The following PITPNC1 variants were observed in gnomAD, a reference collection of about 807,000 sequenced individuals.
The protein encoded by PITPNC1 is phosphatidylinositol transfer protein cytoplasmic 1, also known as cytoplasmic phosphatidylinositol transfer protein 1.
A neutral mutation model predicts 44.7 loss-of-function variants in PITPNC1; 18 were observed. The ratio of observed to expected loss-of-function variants is 0.40; its 90% confidence interval spans 0.28 to 0.60. The LOEUF is 0.60. Among genes scored for constraint, PITPNC1 ranks in the 20% least tolerant of loss-of-function variants. The pLI is 0.39. For missense variants in PITPNC1, 290 were observed against 418.4 expected (o/e 0.69, Z 2.68); for synonymous variants, 141 against 149.6 (o/e 0.94, Z 0.42).
intron 1 of PITPNC1, among the ~76,000 whole-genome samples, chr17:67,531,194 G>A (rs528861962): frequency 6.6e-6 from 1 of 152,298 alleles, no homozygotes; most frequent in East Asian, 1.9e-4. Flanking sequence ...AATGATCTGA[G>A]ATCACACCAC....
At chr17:67,395,176 T>C (rs1044830953) in intron 1 of PITPNC1, among the ~76,000 whole-genome samples, 18 of 152,104 alleles carry the variant, frequency 1.2e-4, no homozygotes, top group Admixed American at 5.9e-4. Context: ...TTTTCTTTTT[T>C]TTTTTTTTAG....
chr17:67,677,723 C>T (rs1458479244), intron 8 of PITPNC1, among the ~76,000 whole-genome samples: 6 of 152,072 alleles, frequency 3.9e-5, no homozygotes, highest in Non-Finnish European at 8.8e-5. Context: ...CTCCCACCAC[C>T]ACGCCCTGCT....
At chr17:67,629,374 G>A (rs376001522) in intron 5 of PITPNC1, among the ~76,000 whole-genome samples, 3 of 152,160 alleles carry the variant, frequency 2.0e-5, no homozygotes, top group Non-Finnish European at 2.9e-5. Flanking sequence ...CCAGGTTCAA[G>A]TGATTCTCCT....
chr17:67,609,827 T>G (rs751327451), intron 5 of PITPNC1, among the ~76,000 whole-genome samples: 3 of 152,016 alleles, frequency 2.0e-5, no homozygotes, highest in Non-Finnish European at 2.9e-5. Flanking sequence ...CAGGTTTGCT[T>G]TTTGTACCCA....
intron 1 of PITPNC1, among the ~76,000 whole-genome samples, chr17:67,398,508 G>GAGT (rs556195775): frequency 0.012 from 1,402 of 120,790 alleles, 21 homozygotes; most frequent in African/African-American, 0.056. Context: ...ACGTGCAGTT[G>GAGT]GGTGTTGTGG....
Position 67,676,208 on chromosome 17 carries a change from GA to G in PITPNC1, c.682+680del, listed in dbSNP as rs74446011. On this transcript the variant is annotated intron_variant, in intron 8 of 8. Transcript: ENST00000581322. The surrounding 1 kb of genome is among the most constrained non-coding windows in gnomAD (Gnocchi z 4.0). ...GGGGACAGAGCGAGACTCCGTCTCG[GA>G]AAAAAAAAAAAAAGAAAGAAAGAAA... Among the ~76,000 whole-genome samples, 4,912 of 126,710 alleles carry G rather than the reference GA, an allele frequency of 0.039. 240 individuals carry two copies. Among genetic ancestry groups the G allele is most frequent in the African/African-American group, 0.13 (4,456 of 34,966 alleles). The allele number at this position is 126,710 out of a possible 152,430, so 83.1% of individuals were successfully genotyped here. A position where few individuals can be genotyped will look rare whatever the true frequency, so the allele number is the denominator to read the frequency against.
In PITPNC1 at chr17:67,599,034, ATTTTTTT is replaced by A. The variant is rs1160152426; in HGVS notation, c.366+20791_366+20797del. Among the ~76,000 whole-genome samples the A allele has an allele frequency of 9.7e-3, 346 of 35,544 alleles. 5 individuals carry two copies. Among genetic ancestry groups the A allele is most frequent in the African/African-American group, 0.028 (245 of 8,674 alleles). 23.3% of individuals were successfully genotyped at this position (35,544 alleles called of 152,430 possible). ...TATATATATATATATATATATATATATTTTTTTTTTTTTTTTTTTTACCATGTTGGCC... is the reference window on the plus strand; with the variant it reads ...TATATATATATATATATATATATATATTTTTTTTTTTTTACCATGTTGGCC... On this transcript the variant is annotated intron_variant, in intron 5 of 8. Coordinates refer to ENST00000581322, the MANE Select transcript of PITPNC1 (RefSeq NM_012417.4).
rs929792102 is a variant in PITPNC1, at chr17:67,641,438, C to G, written c.462+9200C>G. Among the ~76,000 whole-genome samples, 15 of 152,090 alleles carry G rather than the reference C, an allele frequency of 9.9e-5. No individual in the cohort carries two copies. The East Asian group carries it at 2.9e-3, about 29-fold the overall frequency. The stretch of plus-strand genomic sequence containing the variant: ...TCGCAACATGCATTATTTCACTAAC[C>G]ACATAAGCTTGCCATTTTTCTGTGC... On this transcript the variant is annotated intron_variant, in intron 6 of 8. Transcript: ENST00000581322.
chr17:67,546,310 T>C, intron 2 of PITPNC1, among the ~76,000 whole-genome samples: 1 of 151,516 alleles, frequency 6.6e-6, no homozygotes, highest in East Asian at 1.9e-4. Context: ...TATATATATA[T>C]ATATATTTAG....
intron 1 of PITPNC1, among the ~76,000 whole-genome samples, chr17:67,427,025 G>A (rs2038776768): frequency 6.6e-6 from 1 of 152,100 alleles, no homozygotes; most frequent in Non-Finnish European, 1.5e-5. Context: ...AGGTCCCTGT[G>A]AGTCCTAATG....
chr17:67,500,102 G>T (rs911331030), intron 1 of PITPNC1, among the ~76,000 whole-genome samples: 2 of 152,116 alleles, frequency 1.3e-5, no homozygotes, highest in African/African-American at 4.8e-5. Flanking sequence ...TCTTCTGATG[G>T]TTAATCATTT....
At chr17:67,533,902 TG>T (rs1210399107) in intron 2 of PITPNC1, among the ~76,000 whole-genome samples, 1 of 152,182 alleles carries the variant, frequency 6.6e-6, no homozygotes, top group Non-Finnish European at 1.5e-5. Flanking sequence ...TTTCTTTTTT[TG>T]TTTTTTTTAA....
In PITPNC1 at chr17:67,538,558, C is replaced by T. The variant is rs2040561662; in HGVS notation, c.197+5608C>T. 2.0e-5 allele frequency among the ~76,000 whole-genome samples: 3 copies of T among 152,258 alleles called. No homozygotes were observed. The South Asian group carries it at 6.2e-4, about 32-fold the overall frequency. On this transcript the variant is annotated intron_variant, in intron 2 of 8. Transcript: ENST00000581322. ...GAGGTTGCAATGAGCCAAGATCGTG[C>T]CACTGCACTCCAGCCTGGGCAACAG...
Position 67,535,878 on chromosome 17 carries a change from C to T in PITPNC1, c.197+2928C>T, listed in dbSNP as rs114379662. 1.9e-3 allele frequency among the ~76,000 whole-genome samples: 288 copies of T among 152,328 alleles called. 2 individuals are homozygous for T. The highest frequency in any genetic ancestry group is 5.9e-3 in the African/African-American group (246 of 41,574). On this transcript the variant is annotated intron_variant, in intron 2 of 8. Transcript: ENST00000581322. ...TCTGACATCTAGGGACTGGGCATGT[C>T]ATGCCCATGGGGAACAGGAATTAGG...
At chr17:67,565,821 A>G (rs1165806074) in intron 4 of PITPNC1, among the ~76,000 whole-genome samples, 1 of 141,802 alleles carries the variant, frequency 7.1e-6, no homozygotes, top group African/African-American at 2.7e-5. Context: ...TTTGGTGTGT[A>G]TATTAGTTTT....
At chr17:67,548,438 A>C (rs1264089630) in intron 2 of PITPNC1, among the ~76,000 whole-genome samples, 1 of 152,104 alleles carries the variant, frequency 6.6e-6, no homozygotes, top group South Asian at 2.1e-4. Context: ...TAAAAATACA[A>C]AAATAAGCCT....
rs117993143 is a variant in PITPNC1, at chr17:67,644,157, G to A, written c.462+11919G>A. ...GCACGTGTCTCTGCTACTTCACCTC[G>A]AAGAAACCTTAGAAGTTACATTTGC... is the stretch of plus-strand genomic sequence containing the variant. On this transcript the variant is annotated intron_variant, in intron 6 of 8. Coordinates refer to ENST00000581322, the MANE Select transcript of PITPNC1 (RefSeq NM_012417.4). Among the ~76,000 whole-genome samples the A allele has an allele frequency of 2.9e-3, 443 of 152,252 alleles. 7 individuals carry two copies. The highest frequency in any genetic ancestry group is 0.013 in the Admixed American group (200 of 15,292).
intron 6 of PITPNC1, among the ~76,000 whole-genome samples, chr17:67,647,996 A>G (rs1033588318): frequency 6.6e-6 from 1 of 152,244 alleles, no homozygotes; most frequent in Non-Finnish European, 1.5e-5. Flanking sequence ...TTGGAGAAAC[A>G]AAATGAGTTC....
chr17:67,460,619 TGGCCA>T (rs2039321756), intron 1 of PITPNC1, among the ~76,000 whole-genome samples: 1 of 151,956 alleles, frequency 6.6e-6, no homozygotes, highest in South Asian at 2.1e-4. Context: ...TTCACCATGT[TGGCCA>T]GGCTGGTGTC....
Sources: gnomAD v4.1 joint callset for allele counts (sites outside exome capture counted in the v4.1 genomes callset) on GRCh38, gnomAD v4.1.1 for gene constraint, Gnocchi (gnomAD v3.1) non-coding constraint, MANE v1.5 for transcripts, NCBI Gene and HGNC (gene_info 2026-07-23, HGNC 2026-07-21) for gene names.